Variants in NREP observed in about 807,000 individuals in gnomAD.
NREP encodes the protein neuronal regeneration related protein.
NREP carries 5 observed loss-of-function variants against 8.6 expected under a neutral mutation model. The observed-to-expected ratio is 0.58, with a 90% CI of 0.30 to 1.22. NREP has a LOEUF of 1.22. Ranked by LOEUF, NREP falls within the 50% of genes most tolerant of loss-of-function variation. The pLI is 0.07. For missense variants in NREP, 86 were observed against 82.5 expected, an observed-to-expected ratio of 1.04 and a Z score of -0.17; for synonymous variants, 27 against 28.0, an observed-to-expected ratio of 0.96 and a Z score of 0.11.
intron 1 of NREP, among the ~76,000 whole-genome samples, chr5:111,756,765 G>C (rs559252265): frequency 6.6e-6 from 1 of 152,142 alleles, no homozygotes; most frequent in African/African-American, 2.4e-5. Context: ...TATAAAAAGG[G>C]AGGAAAAGCT....
chr5:111,955,279 C>T (rs1356244859), intron 2 of NREP, among the ~76,000 whole-genome samples: 1 of 151,980 alleles, frequency 6.6e-6, no homozygotes, highest in African/African-American at 2.4e-5. Context: ...AAATATTATT[C>T]TTATGTGCCA....
At chr5:111,884,142 A>C (rs1209733849) in intron 2 of NREP, among the ~76,000 whole-genome samples, 1 of 152,082 alleles carries the variant, frequency 6.6e-6, no homozygotes, top group Admixed American at 6.5e-5. Flanking sequence ...TAAAGGGGAT[A>C]TCACCACCGA....
intron 2 of NREP, among the ~76,000 whole-genome samples, chr5:111,783,984 G>A (rs759181589): frequency 6.6e-6 from 1 of 152,154 alleles, no homozygotes; most frequent in Admixed American, 6.6e-5. Context: ...ACAAACATAA[G>A]TTTGGGATAA....
chr5:111,784,480 T>C (rs1324983650), intron 2 of NREP, among the ~76,000 whole-genome samples: 1 of 152,212 alleles, frequency 6.6e-6, no homozygotes, highest in South Asian at 2.1e-4. Context: ...GTGGGCTACA[T>C]GTATGCTACA....
chr5:111,889,527 T>G lies in NREP; in HGVS notation c.135+85747A>C, dbSNP rs377209784. 3.3e-5 allele frequency among the ~76,000 whole-genome samples: 5 copies of G among 152,322 alleles called. No individual in the cohort carries two copies. In the East Asian group the frequency reaches 5.8e-4, roughly 18 times the overall value. On this transcript the variant is annotated intron_variant, in intron 2 of 3. Transcript: ENST00000395634. ...CCTAAAACTTCATGTCCTTCTCACA[T>G]TGCAAAATATAATCATCCCTTCTCA...
intron 2 of NREP, among the ~76,000 whole-genome samples, chr5:111,768,977 C>T (rs997217599): frequency 6.6e-6 from 1 of 152,244 alleles, no homozygotes; most frequent in Non-Finnish European, 1.5e-5. Flanking sequence ...ATTTTCCCAT[C>T]AACAGTGTAA....
intron 2 of NREP, among the ~76,000 whole-genome samples, chr5:111,886,106 G>T (rs1315695542): frequency 1.3e-5 from 2 of 152,094 alleles, no homozygotes; most frequent in South Asian, 2.1e-4. Flanking sequence ...AATCTACAAT[G>T]AACTCAAACA....
At chr5:111,775,174 C>T (rs756542278) in intron 2 of NREP, among the ~76,000 whole-genome samples, 2 of 152,144 alleles carry the variant, frequency 1.3e-5, no homozygotes, top group Non-Finnish European at 2.9e-5. Context: ...TACGGATGCA[C>T]GCCACCATAC....
intron 2 of NREP, among the ~76,000 whole-genome samples, chr5:111,789,438 T>C (rs1377245861): frequency 1.3e-5 from 2 of 152,218 alleles, no homozygotes; most frequent in Non-Finnish European, 2.9e-5. Context: ...TCATGTTTTT[T>C]CTTCAGAATA....
chr5:111,910,429 G>A (rs947863208), intron 2 of NREP, among the ~76,000 whole-genome samples: 1 of 151,866 alleles, frequency 6.6e-6, no homozygotes, highest in Non-Finnish European at 1.5e-5. Flanking sequence ...ATCTTTTTTG[G>A]GGGGTACTAG....
chr5:111,922,306 G>A (rs1755266350), intron 2 of NREP, among the ~76,000 whole-genome samples: 1 of 152,110 alleles, frequency 6.6e-6, no homozygotes, highest in African/African-American at 2.4e-5. Context: ...GAGATCCCCT[G>A]AGTGACAGCT....
intron 2 of NREP, among the ~76,000 whole-genome samples, chr5:111,768,480 G>A (rs1236746342): frequency 3.3e-5 from 5 of 152,176 alleles, no homozygotes; most frequent in African/African-American, 1.2e-4. Flanking sequence ...AATGAGCACA[G>A]TACCTTAAAG....
chr5:111,753,444 T>C (rs1483207371), intron 2 of NREP, among the ~76,000 whole-genome samples: 2 of 150,070 alleles, frequency 1.3e-5, no homozygotes, highest in African/African-American at 2.4e-5. Flanking sequence ...AATCCTTAAG[T>C]GTCTCCACAT....
At chr5:111,808,305 G>A (rs982813553) in intron 2 of NREP, among the ~76,000 whole-genome samples, 1 of 152,176 alleles carries the variant, frequency 6.6e-6, no homozygotes, top group African/African-American at 2.4e-5. Context: ...TGGGGAGGGG[G>A]TGTCTATCTC....
intron 2 of NREP, among the ~76,000 whole-genome samples, chr5:111,927,033 G>T (rs568826981): frequency 6.6e-6 from 1 of 151,890 alleles, no homozygotes; most frequent in Non-Finnish European, 1.5e-5. Flanking sequence ...GATGGATCTC[G>T]GGAGAGACTA....
At chr5:111,882,288 T>A (rs888324713) in intron 2 of NREP, among the ~76,000 whole-genome samples, 1 of 151,976 alleles carries the variant, frequency 6.6e-6, no homozygotes, top group African/African-American at 2.4e-5. Context: ...GAAAAAAGAA[T>A]AAAAAGAAAT....
chr5:111,885,715 A>C (rs1423810397), intron 2 of NREP, among the ~76,000 whole-genome samples: 1 of 152,224 alleles, frequency 6.6e-6, no homozygotes, highest in Non-Finnish European at 1.5e-5. Context: ...AAAACAAGCA[A>C]TGGGGAAAGG....
At position 111,797,050 on chromosome 5, in the gene NREP, G is replaced by A. The variant is rs78867083; in HGVS notation, c.136-61543C>T. ...ACTAAAGAGACAAGAAAACGCAAGC[G>A]CAGTGTCTACTAAGATAGATAGATA... On this transcript the variant is annotated intron_variant, in intron 2 of 3. Coordinates refer to the NREP transcript ENST00000395634. Among the ~76,000 whole-genome samples, 909 of 149,772 alleles carry A rather than the reference G, an allele frequency of 6.1e-3. 6 individuals are homozygous for A. The highest frequency in any genetic ancestry group is 0.021 in the African/African-American group (850 of 40,702).
chr5:111,805,446 T>C (rs1752118292), intron 2 of NREP, among the ~76,000 whole-genome samples: 1 of 152,212 alleles, frequency 6.6e-6, no homozygotes. Flanking sequence ...TTGGATAAAC[T>C]ATGTTACAGC....
Sources: allele counts gnomAD v4.1 joint callset (sites outside exome capture counted in the v4.1 genomes callset), GRCh38; gene constraint gnomAD v4.1.1; transcripts MANE v1.5; gene names NCBI Gene and HGNC (gene_info 2026-07-23, HGNC 2026-07-21).